DMD: variants seen among roughly 807,000 people sequenced by gnomAD.
DMD encodes dystrophin, also known as mutant dystrophin.
Under a neutral mutation model 330.1 loss-of-function variants are expected in DMD, and 63 were observed. That is an observed-to-expected ratio of 0.19 (90% CI 0.16 to 0.24). DMD has a LOEUF of 0.24. Among genes scored for constraint, DMD ranks in the 10% least tolerant of loss-of-function variants. DMD has a pLI of 1.00. For synonymous variants in DMD, 1,223 were observed against 959.8 expected (o/e 1.27, Z -5.07); for missense variants, 3,344 against 2,684.1 (o/e 1.25, Z -5.43).
At chrX:31,587,523 A>T (rs2076668659) in intron 55 of DMD, among the ~76,000 whole-genome samples, 1 of 112,473 alleles carries the variant, frequency 8.9e-6, no homozygotes. Flanking sequence ...TGTATCTGTT[A>T]CTGTAATCAA....
intron 2 of DMD, among the ~76,000 whole-genome samples, chrX:33,009,941 T>C (rs200995357): frequency 1.4e-4 from 7 of 50,291 alleles, no homozygotes; most frequent in Non-Finnish European, 2.4e-4. Context: ...TGTGTGTATA[T>C]ACACGTGTGT....
chrX:33,274,107 T>G (rs1016200215), intron 1 of DMD, among the ~76,000 whole-genome samples: 12 of 112,036 alleles, frequency 1.1e-4, no homozygotes, highest in African/African-American at 3.9e-4. Context: ...AAGAGTATGT[T>G]AAGAATCATC....
intron 7 of DMD, among the ~76,000 whole-genome samples, chrX:32,718,562 T>C (rs2065953580): frequency 8.9e-6 from 1 of 112,033 alleles, no homozygotes; most frequent in Non-Finnish European, 1.9e-5. Context: ...GATAAGGACA[T>C]TTATTCCCAG....
chrX:32,824,780 C>G (rs1190743907), intron 4 of DMD, among the ~76,000 whole-genome samples: 1 of 111,694 alleles, frequency 9.0e-6, no homozygotes, highest in Non-Finnish European at 1.9e-5. Context: ...ATGAGTAAAG[C>G]TGGGAAAATC....
At chrX:31,741,873 C>T in intron 51 of DMD, among the ~76,000 whole-genome samples, 1 of 111,690 alleles carries the variant, frequency 9.0e-6, no homozygotes, top group East Asian at 2.8e-4. Context: ...AAGGCTGTTT[C>T]GTCTATATTG....
chrX:32,684,006 CACACACATACAT>C (rs1413688245), intron 9 of DMD, among the ~76,000 whole-genome samples: 63 of 80,732 alleles, frequency 7.8e-4, no homozygotes, highest in African/African-American at 4.9e-3. Context: ...AACACACACA[CACACACATACAT>C]ACACACACAC....
chrX:32,762,531 A>T (rs2072455200), intron 7 of DMD, among the ~76,000 whole-genome samples: 1 of 111,596 alleles, frequency 9.0e-6, no homozygotes, highest in African/African-American at 3.3e-5. Flanking sequence ...TGTGAATAGG[A>T]TACAGGAATG....
chrX:32,809,503 G>A lies in DMD; in HGVS notation c.639C>T (p.Leu213=), dbSNP rs779201084. Residue 213 remains leucine (L), a synonymous_variant, in exon 7 of 79, where the codon CTC becomes CTT. Transcript: ENST00000357033. ...ARYQLGIEKL[L]DPEDVDTTYP... is the part of the protein sequence containing the mutation. ...CAGAAATTTACCAACCTTCAGGATCGAGTAGTTTCTCTATGCCTAATTGAT... is the reference window on the plus strand; with the variant it reads ...CAGAAATTTACCAACCTTCAGGATCAAGTAGTTTCTCTATGCCTAATTGAT... 2.5e-6 allele frequency: 3 copies of A among 1,208,310 alleles called. No homozygotes were observed. Among genetic ancestry groups the A allele is most frequent in the South Asian group, 3.5e-5 (2 of 56,911 alleles).
intron 54 of DMD, among the ~76,000 whole-genome samples, chrX:31,644,830 G>C (rs768001523): frequency 1.8e-5 from 2 of 111,542 alleles, no homozygotes; most frequent in East Asian, 5.7e-4. Flanking sequence ...GTTGCTAAGA[G>C]TTATGGGTTG....
In DMD at chrX:31,911,278, T is replaced by A. The variant is rs768677181; in HGVS notation, c.6912+18318A>T. Among the ~76,000 whole-genome samples the A allele has an allele frequency of 1.9e-4, 21 of 112,111 alleles. 1 individual carries two copies. The East Asian group carries it at 3.4e-3, about 18-fold the overall frequency. ...ATCACTGTTTGGAAAGTATTTCATTTTATTTATAGCTCTGTAGGAAAATTA... is the reference window on the plus strand; with the variant it reads ...ATCACTGTTTGGAAAGTATTTCATTATATTTATAGCTCTGTAGGAAAATTA... On this transcript the variant is annotated intron_variant, in intron 47 of 78. Transcript: ENST00000357033.
intron 52 of DMD, among the ~76,000 whole-genome samples, chrX:31,704,056 A>G (rs1223594822): frequency 1.8e-5 from 2 of 112,082 alleles, no homozygotes; most frequent in East Asian, 5.5e-4. Context: ...GATTTGAAAA[A>G]TGGGGAGATA....
chrX:31,211,889 G>A (rs1232014563), intron 64 of DMD, among the ~76,000 whole-genome samples: 1 of 111,507 alleles, frequency 9.0e-6, no homozygotes, highest in African/African-American at 3.3e-5. Context: ...CTTTCATGGA[G>A]CTATTTTGAA....
intron 52 of DMD, among the ~76,000 whole-genome samples, chrX:31,713,671 T>C (rs768102414): frequency 1.3e-3 from 140 of 111,710 alleles, no homozygotes; most frequent in Non-Finnish European, 2.1e-3. Flanking sequence ...TTGTTTATAT[T>C]ACTCCTATGA....
intron 15 of DMD, among the ~76,000 whole-genome samples, chrX:32,572,700 T>G (rs1479749079): frequency 9.0e-6 from 1 of 111,005 alleles, no homozygotes; most frequent in Middle Eastern, 4.7e-3. Flanking sequence ...GGCTTTAATT[T>G]TTTTTTGCTT....
intron 44 of DMD, among the ~76,000 whole-genome samples, chrX:32,131,283 T>C (rs5927062): frequency 0.43 from 48,058 of 111,364 alleles, 7,677 homozygotes; most frequent in East Asian, 0.69. Context: ...TTTTTGCTTC[T>C]GATTCATTCC....
chrX:32,069,138 A>T (rs2096279257), intron 44 of DMD, among the ~76,000 whole-genome samples: 1 of 111,229 alleles, frequency 9.0e-6, no homozygotes, highest in African/African-American at 3.3e-5. Context: ...TTGAAATTCT[A>T]TTTACTTCCT....
chrX:31,207,387 AAATTT>A lies in DMD; in HGVS notation c.9564-725_9564-721del, dbSNP rs67482841. ...ACTGAAATAAAGCATTTCACATAACAAATTTATTAATAAGCTAATTTTATCCATGG... is the reference window on the plus strand; with the variant it reads ...ACTGAAATAAAGCATTTCACATAACAATTAATAAGCTAATTTTATCCATGG... On this transcript the variant is annotated intron_variant, in intron 65 of 78. Coordinates refer to ENST00000357033, the MANE Select transcript of DMD (RefSeq NM_004006.3). Among the ~76,000 whole-genome samples, 50,857 of 110,050 alleles carry A rather than the reference AAATTT, an allele frequency of 0.46. 8,845 individuals are homozygous for A. The highest frequency in any genetic ancestry group is 0.66 in the East Asian group (2,293 of 3,480).
chrX:32,045,082 G>C (rs188705551), intron 44 of DMD, among the ~76,000 whole-genome samples: 2 of 109,340 alleles, frequency 1.8e-5, no homozygotes, highest in Admixed American at 9.9e-5. Flanking sequence ...ATGAGATCTG[G>C]TTTTTTTTTA....
chrX:32,653,189 C>T (rs191137238), intron 9 of DMD, among the ~76,000 whole-genome samples: 18 of 111,746 alleles, frequency 1.6e-4, no homozygotes, highest in South Asian at 7.4e-4. Context: ...AATTTTGACT[C>T]TTGTTGCCAT....
Sources: allele counts gnomAD v4.1 joint callset (sites outside exome capture counted in the v4.1 genomes callset), GRCh38; gene constraint gnomAD v4.1.1; transcripts MANE v1.5; gene names NCBI Gene and HGNC (gene_info 2026-07-23, HGNC 2026-07-21).